NRG3: variants seen among roughly 807,000 people sequenced by gnomAD.
NRG3 encodes the protein pro-neuregulin-3, membrane-bound isoform.
Under a neutral mutation model 66.9 loss-of-function variants are expected in NRG3, and 31 were observed. The ratio of observed to expected loss-of-function variants is 0.46; its 90% CI spans 0.35 to 0.63. The LOEUF (loss-of-function observed/expected upper bound fraction) is 0.63. NRG3 is among the 20% of genes least tolerant of loss of function. The pLI, the probability that NRG3 is intolerant of heterozygous loss-of-function variation, is 0.00. For synonymous variants in NRG3, 393 were observed against 359.4 expected (o/e 1.09, Z -1.06); for missense variants, 910 against 878.9 (o/e 1.04, Z -0.45).
At chr10:82,846,691 T>G (rs1475535249) in intron 3 of NRG3, among the ~76,000 whole-genome samples, 1 of 152,218 alleles carries the variant, frequency 6.6e-6, no homozygotes, top group Non-Finnish European at 1.5e-5. Flanking sequence ...TACATAATTG[T>G]AAGCATTGCA....
chr10:81,897,976 C>T (rs1423680487), intron 1 of NRG3, among the ~76,000 whole-genome samples: 4 of 152,110 alleles, frequency 2.6e-5, no homozygotes, highest in Non-Finnish European at 5.9e-5. Context: ...CCCCACTGCC[C>T]CACTGTAGAC....
intron 4 of NRG3, among the ~76,000 whole-genome samples, chr10:82,885,716 C>T (rs1049071501): frequency 1.4e-4 from 22 of 152,242 alleles, no homozygotes; most frequent in Admixed American, 6.5e-5. Context: ...GAAAGTTTAC[C>T]GGATATCATT....
chr10:82,897,712 G>T (rs1484300057), intron 4 of NRG3, among the ~76,000 whole-genome samples: 1 of 151,928 alleles, frequency 6.6e-6, no homozygotes, highest in Non-Finnish European at 1.5e-5. Context: ...TAGAGACAGG[G>T]TTTCACCATG....
intron 4 of NRG3, among the ~76,000 whole-genome samples, chr10:82,928,777 G>A (rs1345403718): frequency 6.6e-6 from 1 of 152,188 alleles, no homozygotes; most frequent in African/African-American, 2.4e-5. Flanking sequence ...AAAAGCAGCT[G>A]TGTTTGGCCC....
chr10:82,417,183 A>G (rs2088641960), intron 2 of NRG3, among the ~76,000 whole-genome samples: 2 of 152,198 alleles, frequency 1.3e-5, no homozygotes, highest in Non-Finnish European at 2.9e-5. Flanking sequence ...CTCCAAAATT[A>G]AAGTAACAAC....
chr10:82,513,403 G>C (rs1453681753), intron 2 of NRG3, among the ~76,000 whole-genome samples: 1 of 152,106 alleles, frequency 6.6e-6, no homozygotes, highest in African/African-American at 2.4e-5. Flanking sequence ...TGTGAATAAT[G>C]CTGCACTGAA....
intron 1 of NRG3, among the ~76,000 whole-genome samples, chr10:82,143,819 C>A (rs561086932): frequency 1.3e-5 from 2 of 152,136 alleles, no homozygotes; most frequent in South Asian, 4.1e-4. Flanking sequence ...TGTTTCAGCC[C>A]AAGAATTCGA....
At chr10:82,452,221 C>T (rs1054806823) in intron 2 of NRG3, among the ~76,000 whole-genome samples, 1 of 152,160 alleles carries the variant, frequency 6.6e-6, no homozygotes, top group Non-Finnish European at 1.5e-5. Context: ...GTGGTGTTAG[C>T]CTTGGGCTGT....
intron 2 of NRG3, among the ~76,000 whole-genome samples, chr10:82,446,209 A>G (rs946042598): frequency 6.6e-6 from 1 of 152,244 alleles, no homozygotes; most frequent in African/African-American, 2.4e-5. Flanking sequence ...TTCTCACAGG[A>G]TCATGCACTT....
At chr10:82,759,071 C>T (rs1017001018) in intron 3 of NRG3, among the ~76,000 whole-genome samples, 2 of 151,974 alleles carry the variant, frequency 1.3e-5, no homozygotes, top group African/African-American at 4.8e-5. Flanking sequence ...ATGTTTGGGC[C>T]ATGGGGGCAG....
chr10:82,784,540 C>T (rs1487743048), intron 3 of NRG3, among the ~76,000 whole-genome samples: 205 of 152,206 alleles, frequency 1.3e-3, no homozygotes, highest in African/African-American at 4.7e-3. Context: ...AAAAAGTGGG[C>T]AAAGGATATG....
intron 2 of NRG3, among the ~76,000 whole-genome samples, chr10:82,624,993 G>T (rs575546732): frequency 6.7e-6 from 1 of 150,308 alleles, no homozygotes; most frequent in South Asian, 2.1e-4. Context: ...AGAATGGCTA[G>T]ACCAGTGAGC....
At chr10:82,656,430 G>T (rs1338416800) in intron 2 of NRG3, among the ~76,000 whole-genome samples, 1 of 151,496 alleles carries the variant, frequency 6.6e-6, no homozygotes, top group Non-Finnish European at 1.5e-5. Flanking sequence ...AATTACATAG[G>T]TGTCCACTTT....
intron 2 of NRG3, among the ~76,000 whole-genome samples, chr10:82,411,105 A>T (rs1287976537): frequency 6.6e-6 from 1 of 152,100 alleles, no homozygotes; most frequent in Non-Finnish European, 1.5e-5. Flanking sequence ...TAGTACGGAC[A>T]GGATTTCAGC....
chr10:82,935,075 G>A (rs1847927467), intron 4 of NRG3, among the ~76,000 whole-genome samples: 1 of 152,138 alleles, frequency 6.6e-6, no homozygotes, highest in Non-Finnish European at 1.5e-5. Flanking sequence ...GATACCTGGG[G>A]GTAATCTCTG....
intron 2 of NRG3, among the ~76,000 whole-genome samples, chr10:82,371,689 G>T (rs772745772): frequency 2.6e-5 from 4 of 152,152 alleles, no homozygotes; most frequent in Non-Finnish European, 5.9e-5. Flanking sequence ...TCATGATTCT[G>T]ATAGTTGGGA....
At chr10:82,318,409 G>A (rs1469922972) in intron 1 of NRG3, among the ~76,000 whole-genome samples, 1 of 152,160 alleles carries the variant, frequency 6.6e-6, no homozygotes, top group African/African-American at 2.4e-5. Flanking sequence ...ACAGAGGAAA[G>A]AAAAGAGGTT....
chr10:82,450,078 A>G (rs1419822334), intron 2 of NRG3, among the ~76,000 whole-genome samples: 1 of 152,226 alleles, frequency 6.6e-6, no homozygotes, highest in African/African-American at 2.4e-5. Flanking sequence ...AGTTTGAGAT[A>G]TGCTTTTACT....
At chr10:81,999,310 TAAG>T (rs1446753811) in intron 1 of NRG3, among the ~76,000 whole-genome samples, 3 of 152,304 alleles carry the variant, frequency 2.0e-5, no homozygotes, top group East Asian at 1.9e-4. Context: ...CGATAAAATT[TAAG>T]AAGAACGATT....
Sources: gnomAD v4.1 joint callset for allele counts (sites outside exome capture counted in the v4.1 genomes callset) on GRCh38, gnomAD v4.1.1 for gene constraint, MANE v1.5 for transcripts, NCBI Gene and HGNC (gene_info 2026-07-23, HGNC 2026-07-21) for gene names.